The following CADPS2 variants were observed in gnomAD, a reference collection of about 807,000 sequenced individuals.
The protein encoded by CADPS2 is calcium dependent secretion activator 2.
Under a neutral mutation model 172.5 loss-of-function variants are expected in CADPS2, and 93 were observed. The ratio of observed to expected loss-of-function variants is 0.54; its 90% CI spans 0.46 to 0.64. The LOEUF (loss-of-function observed/expected upper bound fraction) is 0.64, where lower values mean the gene tolerates loss of function less well. Ranked by LOEUF, CADPS2 falls within the 30% of genes least tolerant of loss-of-function variation. The pLI is 0.00. For missense variants in CADPS2, 1,420 were observed against 1,565.9 expected, an observed-to-expected ratio of 0.91 and a Z score of 1.57; for synonymous variants, 546 against 555.2, an observed-to-expected ratio of 0.98 and a Z score of 0.23.
At chr7:122,561,131 C>T (rs554140031) in intron 7 of CADPS2, among the ~76,000 whole-genome samples, 15 of 152,132 alleles carry the variant, frequency 9.9e-5, no homozygotes, top group Non-Finnish European at 4.4e-5. Flanking sequence ...CTTACAGACA[C>T]AGTGCTCTTT....
chr7:122,429,146 C>G (rs2049559312), intron 17 of CADPS2, among the ~76,000 whole-genome samples: 1 of 151,600 alleles, frequency 6.6e-6, no homozygotes, highest in African/African-American at 2.4e-5. Context: ...TAAGATGTTT[C>G]TGATGAGAAG....
At chr7:122,774,530 A>G (rs1562983657) in intron 1 of CADPS2, among the ~76,000 whole-genome samples, 1 of 152,132 alleles carries the variant, frequency 6.6e-6, no homozygotes, top group Non-Finnish European at 1.5e-5. Context: ...CAGTTTGTTT[A>G]ATAAAAGCAT....
chr7:122,572,664 C>T (rs1244033603), intron 7 of CADPS2, among the ~76,000 whole-genome samples: 1 of 152,020 alleles, frequency 6.6e-6, no homozygotes, highest in Non-Finnish European at 1.5e-5. Flanking sequence ...AATAGATGTC[C>T]CTTGGGACTG....
intron 18 of CADPS2, among the ~76,000 whole-genome samples, chr7:122,415,132 T>C (rs1391386000): frequency 6.6e-6 from 1 of 152,202 alleles, no homozygotes; most frequent in Non-Finnish European, 1.5e-5. Context: ...ATTAGAACTT[T>C]AAAAAATTAT....
rs868489593 is a variant in CADPS2 at position 122,367,296 on chromosome 7, G to C, written c.3388-6283C>G. On this transcript the variant is annotated intron_variant, in intron 25 of 29. Coordinates refer to ENST00000449022, the MANE Select transcript of CADPS2 (RefSeq NM_017954.11). ...TTCTAAGTTATGAGAGAGAGAAAGC[G>C]AGAGAGAGAGAGAATGTATATATAC... is the stretch of plus-strand genomic sequence containing the variant. Among the ~76,000 whole-genome samples, 94 of 151,138 alleles carry C rather than the reference G, an allele frequency of 6.2e-4. No homozygotes were observed. The Middle Eastern group carries it at 0.01, about 16-fold the overall frequency.
At chr7:122,876,255 G>C (rs1006212973) in intron 1 of CADPS2, among the ~76,000 whole-genome samples, 11 of 152,330 alleles carry the variant, frequency 7.2e-5, no homozygotes, top group African/African-American at 2.4e-4. Context: ...GGGAAGCAGA[G>C]GTTGCAGTGG....
At chr7:122,561,229 T>G (rs553495757) in intron 7 of CADPS2, among the ~76,000 whole-genome samples, 1 of 152,258 alleles carries the variant, frequency 6.6e-6, no homozygotes, top group South Asian at 2.1e-4. Context: ...CTGGAAAGAA[T>G]TTTGGAATTT....
intron 1 of CADPS2, among the ~76,000 whole-genome samples, chr7:122,738,007 A>G (rs1212045939): frequency 6.6e-6 from 1 of 152,190 alleles, no homozygotes; most frequent in Non-Finnish European, 1.5e-5. Context: ...CAAATCCAAA[A>G]GAGAACAGAG....
intron 15 of CADPS2, among the ~76,000 whole-genome samples, chr7:122,445,298 T>C (rs149916933): frequency 1.3e-5 from 2 of 152,278 alleles, no homozygotes; most frequent in Non-Finnish European, 2.9e-5. Context: ...TTAGAGAGAA[T>C]TGACAACAAT....
intron 9 of CADPS2, among the ~76,000 whole-genome samples, chr7:122,495,251 A>T (rs1350883827): frequency 6.6e-6 from 1 of 152,102 alleles, no homozygotes; most frequent in Non-Finnish European, 1.5e-5. Context: ...TGTCTTTTTT[A>T]AAAAAGGACA....
chr7:122,645,280 C>CATATGT (rs1383462434), intron 3 of CADPS2, among the ~76,000 whole-genome samples: 1 of 138,528 alleles, frequency 7.2e-6, no homozygotes, highest in African/African-American at 2.6e-5. Flanking sequence ...CATATATACA[C>CATATGT]ACATATGTAC....
chr7:122,769,753 G>A (rs1433141590), intron 1 of CADPS2, among the ~76,000 whole-genome samples: 1 of 152,194 alleles, frequency 6.6e-6, no homozygotes, highest in African/African-American at 2.4e-5. Flanking sequence ...GCTTCAGGGT[G>A]AGACAGACAC....
chr7:122,878,103 A>G (rs1235624213), intron 1 of CADPS2, among the ~76,000 whole-genome samples: 1 of 151,864 alleles, frequency 6.6e-6, no homozygotes, highest in African/African-American at 2.4e-5. Flanking sequence ...TAAAAATACA[A>G]AAATTAGCTG....
intron 4 of CADPS2, among the ~76,000 whole-genome samples, chr7:122,626,678 T>C (rs187944925): frequency 2.8e-4 from 43 of 152,338 alleles, no homozygotes; most frequent in African/African-American, 1.0e-3. Context: ...CACCAGGGCC[T>C]GGCAGAAATA....
chr7:122,681,745 T>G, intron 2 of CADPS2: 3 of 524,994 alleles, frequency 5.7e-6, no homozygotes, highest in Non-Finnish European at 9.7e-6. Context: ...ATAATAATAA[T>G]AAAAGAAAGA....
At chr7:122,594,259 AC>A (rs1271060664) in intron 6 of CADPS2, among the ~76,000 whole-genome samples, 1 of 151,574 alleles carries the variant, frequency 6.6e-6, no homozygotes, top group East Asian at 1.9e-4. Flanking sequence ...AAATAGTGAG[AC>A]CCAGTCTCAA....
chr7:122,745,579 T>A (rs935397266), intron 1 of CADPS2, among the ~76,000 whole-genome samples: 1 of 149,862 alleles, frequency 6.7e-6, no homozygotes, highest in Non-Finnish European at 1.5e-5. Context: ...CAAAAGTGGC[T>A]TTAGGATAAG....
At chr7:122,773,359 G>T (rs1025641093) in intron 1 of CADPS2, among the ~76,000 whole-genome samples, 12 of 151,898 alleles carry the variant, frequency 7.9e-5, no homozygotes, top group Non-Finnish European at 1.6e-4. Flanking sequence ...TCTTTAGAAG[G>T]TAATAATATC....
intron 1 of CADPS2, among the ~76,000 whole-genome samples, chr7:122,755,895 G>A (rs537663365): frequency 1.3e-5 from 2 of 152,128 alleles, no homozygotes; most frequent in South Asian, 2.1e-4. Flanking sequence ...CGATGTAGAC[G>A]TTTTCCTGGA....
Sources: allele counts gnomAD v4.1 joint callset (sites outside exome capture counted in the v4.1 genomes callset), GRCh38; gene constraint gnomAD v4.1.1; transcripts MANE v1.5; gene names NCBI Gene and HGNC (gene_info 2026-07-23, HGNC 2026-07-21).